Variants in AKR1B15 observed in about 807,000 individuals in gnomAD.
The protein encoded by AKR1B15 is aldo-keto reductase family 1 member B15, also known as estradiol 17-beta-dehydrogenase AKR1B15.
A neutral mutation model predicts 38.5 loss-of-function variants in AKR1B15; 49 were observed. That is an observed-to-expected ratio of 1.27 (90% CI 1.01 to 1.62). The LOEUF (loss-of-function observed/expected upper bound fraction) is 1.62. Ranked by LOEUF, AKR1B15 falls within the 40% of genes most tolerant of loss-of-function variation. The probability of loss-of-function intolerance (pLI) is 0.00; values close to 1 mark genes in which losing one functional copy is unlikely to be tolerated. For missense variants in AKR1B15, 411 were observed against 381.6 expected, an observed-to-expected ratio of 1.08 and a Z score of -0.64; for synonymous variants, 137 against 135.5, an observed-to-expected ratio of 1.01 and a Z score of -0.08.
rs761592498 is a variant in AKR1B15 at position 134,576,349 on chromosome 7, G to A, written c.744G>A (p.Trp248Ter). ...YSPLGSPDRP[W>*]AKPEDPSLLE... ...CACATCAGCATCTTTCTGCCCCTAG[G>A]GCCAAACCTGAGGACCCTTCCCTGC... Residue 248 changes from tryptophan to a stop codon, truncating the protein, a stop_gained and splice_region_variant, in exon 9 of 12, where the codon TGG becomes TGA. Transcript: ENST00000457545. LOFTEE classifies it high-confidence loss of function. 8.7e-6 allele frequency: 14 copies of A among 1,613,888 alleles called. No individual in the cohort carries two copies. The highest frequency in any genetic ancestry group is 1.7e-4 in the Middle Eastern group (1 of 6,048).
At chr7:134,555,024 C>T (rs1238130136) in intron 1 of AKR1B15, among the ~76,000 whole-genome samples, 2 of 152,202 alleles carry the variant, frequency 1.3e-5, no homozygotes, top group Non-Finnish European at 2.9e-5. Flanking sequence ...AAGCTCCTTC[C>T]TTTAGCCCTT....
intron 3 of AKR1B15, chr7:134,565,014 G>T: frequency 2.9e-6 from 1 of 342,798 alleles, no homozygotes; most frequent in Non-Finnish European, 5.3e-6. Flanking sequence ...CTAGCTAAAG[G>T]GTTGTAAATG....
intron 5 of AKR1B15, among the ~76,000 whole-genome samples, chr7:134,570,636 G>A (rs760871321): frequency 4.6e-5 from 7 of 152,150 alleles, no homozygotes; most frequent in South Asian, 2.1e-4. Context: ...TATCAGGGGC[G>A]GATTCACCCA....
intron 1 of AKR1B15, among the ~76,000 whole-genome samples, chr7:134,552,919 CT>C (rs923944641): frequency 5.9e-5 from 9 of 152,288 alleles, no homozygotes; most frequent in South Asian, 4.1e-4. Flanking sequence ...GCCAGTCACC[CT>C]AACTGCACTC....
intron 3 of AKR1B15, chr7:134,565,285 A>C: frequency 1.2e-6 from 1 of 854,512 alleles, no homozygotes; most frequent in Non-Finnish European, 1.7e-6. Context: ...ACCCACCAGA[A>C]GGGAGAAACT....
At chr7:134,558,343 C>G (rs1269583305) in intron 2 of AKR1B15, among the ~76,000 whole-genome samples, 2 of 152,082 alleles carry the variant, frequency 1.3e-5, no homozygotes, top group African/African-American at 4.8e-5. Flanking sequence ...AATAATAGAC[C>G]ATTTTACCCA....
At chr7:134,578,215 A>C (rs939723252) in intron 11 of AKR1B15, among the ~76,000 whole-genome samples, 2 of 152,238 alleles carry the variant, frequency 1.3e-5, no homozygotes, top group Non-Finnish European at 1.5e-5. Context: ...GTCAGACAGC[A>C]ACAAATGCTA....
At chr7:134,565,950 C>G (rs1266756839) in intron 3 of AKR1B15, among the ~76,000 whole-genome samples, 2 of 152,098 alleles carry the variant, frequency 1.3e-5, no homozygotes, top group African/African-American at 4.8e-5. Flanking sequence ...TTGCAGATCA[C>G]CATGTGGGAC....
intron 5 of AKR1B15, among the ~76,000 whole-genome samples, chr7:134,570,823 C>T (rs912635071): frequency 2.6e-5 from 4 of 152,162 alleles, no homozygotes; most frequent in African/African-American, 9.7e-5. Context: ...GAGGTGCTCA[C>T]ATGCCTGGGT....
rs563677512 is a variant in AKR1B15 at position 134,573,222 on chromosome 7, G to A, written c.513+1541G>A. The A allele has an allele frequency of 5.6e-5, 11 of 197,898 alleles. No individual in the cohort carries two copies. The South Asian group carries it at 1.8e-3, about 32-fold the overall frequency. The allele number at this position is 197,898 out of a possible 1,614,324, so 12.3% of individuals were successfully genotyped here. The stretch of plus-strand genomic sequence containing the variant: ...ATTTTTATATTTTTAGTAGAGATGA[G>A]GTTTCACCATGTTGGCCAGGCTGGT... On this transcript the variant is annotated intron_variant, in intron 6 of 11. Coordinates refer to ENST00000457545, the MANE Select transcript of AKR1B15 (RefSeq NM_001080538.3).
At chr7:134,565,407 G>A (rs749278958) in intron 3 of AKR1B15, 106 of 1,608,464 alleles carry the variant, frequency 6.6e-5, no homozygotes, top group Non-Finnish European at 8.7e-5. Flanking sequence ...CGAACCCTCT[G>A]GAAGGAACCA....
intron 7 of AKR1B15, 63 bp downstream of exon 7, chr7:134,575,605 G>A (rs2117670300): frequency 1.2e-6 from 2 of 1,604,716 alleles, no homozygotes; most frequent in East Asian, 4.5e-5. Flanking sequence ...ATTGCGGGGG[G>A]AATGTTCAAT....
intron 2 of AKR1B15, among the ~76,000 whole-genome samples, chr7:134,559,011 C>T (rs765573376): frequency 6.6e-6 from 1 of 152,120 alleles, no homozygotes. Context: ...TCATCACACC[C>T]GAGTCAAGAA....
rs544925425 is a variant in AKR1B15 at position 134,559,263 on chromosome 7, G to A, written c.-23+2404G>A. ...CTAGCCCATGTTGATAAGTGTCTAT[G>A]TCTATACCACAAAAAATCAAGCATG... is the stretch of plus-strand genomic sequence containing the variant. On this transcript the variant is annotated intron_variant, in intron 2 of 11. Coordinates refer to ENST00000457545, the MANE Select transcript of AKR1B15 (RefSeq NM_001080538.3). Among the ~76,000 whole-genome samples the A allele has an allele frequency of 9.9e-5, 15 of 152,240 alleles. No individual in the cohort carries two copies. The South Asian group carries it at 2.3e-3, about 23-fold the overall frequency.
At position 134,564,203 on chromosome 7, in the gene AKR1B15, T is replaced by C. The variant is rs1585800675; in HGVS notation, c.-22-395T>C. ...AGCCAGTTTATCTACTTCATTATCCTACTATCACACACTCTCAAAGGATTT... is the reference window on the plus strand; with the variant it reads ...AGCCAGTTTATCTACTTCATTATCCCACTATCACACACTCTCAAAGGATTT... On this transcript the variant is annotated intron_variant, in intron 2 of 11. Coordinates refer to ENST00000457545, the MANE Select transcript of AKR1B15 (RefSeq NM_001080538.3). Among the ~76,000 whole-genome samples the C allele has an allele frequency of 3.3e-5, 5 of 152,316 alleles. No homozygotes were observed. The South Asian group carries it at 1.0e-3, about 32-fold the overall frequency.
At chr7:134,568,039 C>T in intron 3 of AKR1B15, 119 bp from the exon 4 acceptor site, 1 of 1,253,316 alleles carries the variant, frequency 8.0e-7, no homozygotes, top group Non-Finnish European at 1.1e-6. Flanking sequence ...ATTCCAGCTA[C>T]TCAGGAGTTG....
At chr7:134,575,606 A>G (rs1794752236) in intron 7 of AKR1B15, 64 bp downstream of exon 7, 3 of 1,603,310 alleles carry the variant, frequency 1.9e-6, no homozygotes, top group South Asian at 1.1e-5. Flanking sequence ...TTGCGGGGGG[A>G]ATGTTCAATG....
chr7:134,574,578 A>G (rs1431857570), intron 6 of AKR1B15, among the ~76,000 whole-genome samples: 1 of 152,222 alleles, frequency 6.6e-6, no homozygotes, highest in Non-Finnish European at 1.5e-5. Context: ...TAAGAATCCC[A>G]GAAGAAGGAA....
Position 134,553,290 on chromosome 7 carries a change from A to G in AKR1B15, c.-146-3446A>G, listed in dbSNP as rs568150104. Among the ~76,000 whole-genome samples the G allele has an allele frequency of 2.0e-4, 30 of 152,350 alleles. No individual in the cohort carries two copies. The South Asian group carries it at 6.0e-3, about 30-fold the overall frequency. ...GAATACCCCGCTGGTTTGGACTGAC[A>G]AAGAAGAACAGGCTTTTCAAAATCT... On this transcript the variant is annotated intron_variant, in intron 1 of 11. Transcript: ENST00000457545.
Sources: gnomAD v4.1 joint callset for allele counts (sites outside exome capture counted in the v4.1 genomes callset) on GRCh38, gnomAD v4.1.1 for gene constraint, MANE v1.5 for transcripts, NCBI Gene and HGNC (gene_info 2026-07-23, HGNC 2026-07-21) for gene names.